Variants in SCAPER observed in about 807,000 individuals in gnomAD.
SCAPER encodes the protein S-phase cyclin A associated protein in the ER, also known as S phase cyclin A-associated protein in the endoplasmic reticulum.
SCAPER carries 98 observed loss-of-function variants against 182.2 expected under a neutral mutation model. That is an observed-to-expected ratio of 0.54 (90% CI 0.46 to 0.64). The LOEUF (loss-of-function observed/expected upper bound fraction) is 0.64. Among genes scored for constraint, SCAPER ranks in the 30% least tolerant of loss-of-function variants. The pLI, the probability that SCAPER is intolerant of heterozygous loss-of-function variation, is 0.00. For missense variants in SCAPER, 1,432 were observed against 1,690.0 expected, an observed-to-expected ratio of 0.85 and a Z score of 2.68; for synonymous variants, 605 against 564.6, an observed-to-expected ratio of 1.07 and a Z score of -1.01.
intron 4 of SCAPER, among the ~76,000 whole-genome samples, chr15:76,852,073 A>G (rs2070815928): frequency 6.6e-6 from 1 of 152,180 alleles, no homozygotes; most frequent in African/African-American, 2.4e-5. Flanking sequence ...TGGGCCAACA[A>G]AGATCAAAAA....
intron 5 of SCAPER, among the ~76,000 whole-genome samples, chr15:76,830,934 C>T (rs1028931764): frequency 1.3e-5 from 2 of 152,080 alleles, no homozygotes; most frequent in Non-Finnish European, 2.9e-5. Flanking sequence ...AGCACCGTGA[C>T]CCATTCCTGG....
At chr15:76,739,435 G>A (rs768909066) in intron 15 of SCAPER, among the ~76,000 whole-genome samples, 17 of 152,196 alleles carry the variant, frequency 1.1e-4, no homozygotes, top group Admixed American at 5.9e-4. Context: ...CACTCTTCTT[G>A]TGCTTTGGGA....
intron 8 of SCAPER, among the ~76,000 whole-genome samples, chr15:76,778,474 TAGAC>T (rs1201681027): frequency 6.6e-6 from 1 of 152,008 alleles, no homozygotes; most frequent in African/African-American, 2.4e-5. Context: ...AAGTACCCCA[TAGAC>T]AGGCAAGAAA....
rs1359658030 is a variant in SCAPER, at chr15:76,434,117, T to C, written c.3272A>G (p.Gln1091Arg). The change falls in exon 26 of 32, where the codon CAA becomes CGA. Residue 1091 changes from glutamine to arginine, a missense_variant. Transcript: ENST00000563290. ...PTQEMKNKPS[Q>R]GDPFNNRVQD... ...AACTCGATTGTTAAAAGGATCACCT[T>C]GTGAGGGTTTGTTTTTCATTTCCTG... 2 of 1,613,962 alleles carry C rather than the reference T, an allele frequency of 1.2e-6. No individual in the cohort carries two copies. Among genetic ancestry groups the C allele is most frequent in the Admixed American group, 1.7e-5 (1 of 59,994 alleles).
chr15:76,841,662 A>G, intron 5 of SCAPER, 72 bp downstream of exon 5: 2 of 1,454,836 alleles, frequency 1.4e-6, no homozygotes, highest in Non-Finnish European at 1.9e-6. Flanking sequence ...AAAAAAAAAG[A>G]TCAAGTCACA....
chr15:76,394,766 G>A (rs1029551190), intron 27 of SCAPER, among the ~76,000 whole-genome samples: 5 of 152,086 alleles, frequency 3.3e-5, no homozygotes, highest in African/African-American at 7.2e-5. Context: ...ATTTTGATAC[G>A]AGCATGCAAT....
At chr15:76,716,553 A>G (rs2059897363) in intron 17 of SCAPER, among the ~76,000 whole-genome samples, 1 of 152,140 alleles carries the variant, frequency 6.6e-6, no homozygotes, top group Admixed American at 6.5e-5. Flanking sequence ...AAAACAGACC[A>G]TTCAATGAAA....
At chr15:76,640,194 AT>A (rs769936872) in intron 21 of SCAPER, among the ~76,000 whole-genome samples, 1 of 152,200 alleles carries the variant, frequency 6.6e-6, no homozygotes, top group Non-Finnish European at 1.5e-5. Flanking sequence ...TTCTACTCGG[AT>A]GTGGAATTCT....
At chr15:76,558,723 A>G (rs188783944) in intron 23 of SCAPER, among the ~76,000 whole-genome samples, 79 of 152,284 alleles carry the variant, frequency 5.2e-4, no homozygotes, top group Non-Finnish European at 9.4e-4. Context: ...ACGCACATGT[A>G]TGTTCATCAC....
At chr15:76,670,944 G>C (rs1487424806) in intron 20 of SCAPER, among the ~76,000 whole-genome samples, 1 of 152,098 alleles carries the variant, frequency 6.6e-6, no homozygotes, top group Non-Finnish European at 1.5e-5. Context: ...GTTTTGACAT[G>C]GTTTCTGAAG....
chr15:76,501,822 A>T (rs2041149526), intron 24 of SCAPER, among the ~76,000 whole-genome samples: 1 of 152,250 alleles, frequency 6.6e-6, no homozygotes, highest in South Asian at 2.1e-4. Context: ...GGAAAGCCCA[A>T]GGCCTGGGCA....
intron 25 of SCAPER, among the ~76,000 whole-genome samples, chr15:76,469,408 G>C (rs2049954687): frequency 6.6e-6 from 1 of 152,040 alleles, no homozygotes; most frequent in Non-Finnish European, 1.5e-5. Context: ...CAAAAACATA[G>C]TATAATAATT....
At chr15:76,721,641 C>T (rs1243875948) in intron 17 of SCAPER, among the ~76,000 whole-genome samples, 14 of 151,390 alleles carry the variant, frequency 9.2e-5, no homozygotes, top group African/African-American at 3.2e-4. Context: ...AGGTCCTTCA[C>T]GTCCCTTGTA....
At chr15:76,603,716 C>T (rs74872618) in intron 22 of SCAPER, among the ~76,000 whole-genome samples, 54,343 of 118,530 alleles carry the variant, frequency 0.46, 21,523 homozygotes, top group East Asian at 0.77. Context: ...TTTTAATGAT[C>T]GCCATTCTAA....
chr15:76,464,484 GAA>G (rs959225744), intron 25 of SCAPER, among the ~76,000 whole-genome samples: 1 of 151,956 alleles, frequency 6.6e-6, no homozygotes, highest in African/African-American at 2.4e-5. Context: ...CTGCATATAT[GAA>G]AAGTCAGTCC....
chr15:76,353,481 T>C (rs2141650586), intron 30 of SCAPER, among the ~76,000 whole-genome samples: 2 of 152,332 alleles, frequency 1.3e-5, no homozygotes, highest in East Asian at 3.9e-4. Flanking sequence ...TACTTAAAAG[T>C]TGTTTTACAT....
intron 23 of SCAPER, among the ~76,000 whole-genome samples, chr15:76,540,650 G>A (rs2044658075): frequency 6.6e-6 from 1 of 151,692 alleles, no homozygotes; most frequent in Admixed American, 6.6e-5. Context: ...AAAAATGAAA[G>A]GGTTTTTAAC....
chr15:76,728,453 G>C, intron 17 of SCAPER, 142 bp downstream of exon 17: 1 of 1,045,290 alleles, frequency 9.6e-7, no homozygotes, highest in Admixed American at 2.2e-5. Context: ...AGGATCACTT[G>C]AGTCAGAGAG....
chr15:76,822,907 A>T (rs1160455154), intron 5 of SCAPER, among the ~76,000 whole-genome samples: 2 of 152,164 alleles, frequency 1.3e-5, no homozygotes, highest in African/African-American at 2.4e-5. Context: ...AATTGCATTT[A>T]AAAAACTTTA....
Sources: allele counts gnomAD v4.1 joint callset (sites outside exome capture counted in the v4.1 genomes callset), GRCh38; gene constraint gnomAD v4.1.1; transcripts MANE v1.5; gene names NCBI Gene and HGNC (gene_info 2026-07-23, HGNC 2026-07-21).